Variants in REXO1 observed in about 807,000 individuals in gnomAD.
The protein encoded by REXO1 is RNA exonuclease 1 homolog, also known as REX1, RNA exonuclease 1 homolog.
REXO1 carries 42 observed loss-of-function variants against 102.6 expected under a neutral mutation model. The ratio of observed to expected loss-of-function variants is 0.41; its 90% confidence interval spans 0.32 to 0.53. REXO1 has a LOEUF of 0.53. Ranked by LOEUF, REXO1 falls within the 20% of genes least tolerant of loss-of-function variation. The pLI is 0.27. For synonymous variants in REXO1, 908 were observed against 779.1 expected (o/e 1.17, Z -2.76); for missense variants, 1,819 against 1,732.5 (o/e 1.05, Z -0.89).
Position 1,848,348 on chromosome 19 carries a change from G to T in REXO1, c.11C>A (p.Ser4Tyr), listed in dbSNP as rs1241358660. The T allele has an allele frequency of 2.4e-5, 29 of 1,221,836 alleles. No homozygotes were observed. The highest frequency in any genetic ancestry group is 3.0e-5 in the Non-Finnish European group (29 of 974,522). The allele number at this position is 1,221,836 out of a possible 1,614,324, so 75.7% of individuals were successfully genotyped here. Residue 4 changes from serine to tyrosine, a missense_variant, in exon 1 of 16, where the codon TCC becomes TAC. Transcript: ENST00000170168. ...GTCAATGGCCCGGAAGAAGCCAGTG[G>T]AGCGTAGCATGGTCCGTCCCGCGGC... MLR[S>Y]TGFFRAIDCP...
At chr19:1,824,825 G>A (rs1021562250) in intron 3 of REXO1, among the ~76,000 whole-genome samples, 3 of 151,924 alleles carry the variant, frequency 2.0e-5, no homozygotes, top group Non-Finnish European at 2.9e-5. Context: ...TTGCCTTGTC[G>A]CCCAGGCTGG....
chr19:1,818,963 T>A (rs1269521493), intron 8 of REXO1, 55 bp downstream of exon 8: 2 of 1,570,744 alleles, frequency 1.3e-6, no homozygotes, highest in Admixed American at 3.6e-5. Flanking sequence ...CAGCAGGGGC[T>A]GGGCCGGCAG....
Position 1,828,194 on chromosome 19 carries a change from G to C in REXO1, c.595C>G (p.Leu199Val). 1 of 1,606,106 alleles carries C rather than the reference G, an allele frequency of 6.2e-7. No homozygotes were observed. The highest frequency in any genetic ancestry group is 8.5e-7 in the Non-Finnish European group (1 of 1,177,424). The change falls in exon 2 of 16, where the codon CTG (leucine) becomes GTG (valine). Residue 199 changes from leucine to valine, a missense_variant. Physicochemically the swap from Leu to Val is conservative, Grantham distance 32. Transcript: ENST00000170168. Reference protein sequence around the residue: ...QGRGGGGGGALEYVPKAVSQP... With the variant: ...QGRGGGGGGAVEYVPKAVSQP... ...CTCACAGCCTTGGGGACGTATTCCA[G>C]GGCACCGCCACCCCCTCCACCTCTG...
intron 1 of REXO1, among the ~76,000 whole-genome samples, chr19:1,836,512 G>A (rs753611935): frequency 2.6e-5 from 4 of 151,868 alleles, no homozygotes; most frequent in African/African-American, 7.3e-5. Context: ...GTAGGAGGCC[G>A]AGACGGGTGG....
intron 1 of REXO1, chr19:1,834,926 G>A: frequency 2.4e-6 from 1 of 409,428 alleles, no homozygotes; most frequent in Non-Finnish European, 5.1e-6. Flanking sequence ...GTGGTCACTG[G>A]GCTCCCCCAC....
In REXO1 at chr19:1,818,714, G is replaced by A; in HGVS notation, c.2894C>T (p.Pro965Leu). ...AIIFTAEEKR[P>L]KDSSCRTCCR... ...GCAGGCCAGCGACTCACAGTCCTTG[G>A]GCCTCTTCTCCTCAGCTGTGAAGAT... The change falls in exon 9 of 16, where the codon CCC becomes CTC. Residue 965 changes from proline (P) to leucine (L), a missense_variant. Transcript: ENST00000170168. The A allele has an allele frequency of 6.2e-7, 1 of 1,611,032 alleles. No individual in the cohort carries two copies. Among genetic ancestry groups the A allele is most frequent in the East Asian group, 2.2e-5 (1 of 44,880 alleles).
In REXO1 at chr19:1,815,746, G is replaced by GTGA; in HGVS notation, c.*319_*320insTCA. The GTGA allele has an allele frequency of 3.5e-6, 5 of 1,416,462 alleles. No individual in the cohort carries two copies. The highest frequency in any genetic ancestry group is 4.6e-6 in the Non-Finnish European group (5 of 1,081,364). 87.7% of individuals were successfully genotyped at this position (1,416,462 alleles called of 1,614,324 possible). ...GGAGCAGAGGTGCCGGCCACCACCC[G>GTGA]GGAGGGAGGGCCTGGCAGGAGGGGC... On this transcript the variant is annotated 3_prime_UTR_variant, in exon 16 of 16. Coordinates refer to ENST00000170168, the MANE Select transcript of REXO1 (RefSeq NM_020695.4). This position sits in a 1 kb window ranked among gnomAD's most constrained non-coding sequence, Gnocchi z 4.0.
chr19:1,820,581 A>G (rs974040664), intron 5 of REXO1, among the ~76,000 whole-genome samples, 186 bp from the exon 6 acceptor site: 4 of 152,230 alleles, frequency 2.6e-5, no homozygotes, highest in African/African-American at 7.2e-5. Context: ...AACTGAGGGC[A>G]GCGGAACTAA....
chr19:1,837,123 C>T (rs577487442), intron 1 of REXO1, among the ~76,000 whole-genome samples: 4 of 152,368 alleles, frequency 2.6e-5, no homozygotes, highest in South Asian at 4.1e-4. Context: ...CCTCGCGAAG[C>T]GCAAGGCAGG....
chr19:1,819,680 G>A (rs1426347958), intron 7 of REXO1, among the ~76,000 whole-genome samples: 1 of 152,252 alleles, frequency 6.6e-6, no homozygotes, highest in African/African-American at 2.4e-5. Context: ...TCCATTAGCA[G>A]GCGGCCCCTC....
intron 12 of REXO1, among the ~76,000 whole-genome samples, 200 bp downstream of exon 12, chr19:1,817,019 G>A (rs1046330250): frequency 1.1e-4 from 16 of 152,276 alleles, no homozygotes; most frequent in African/African-American, 3.8e-4. Flanking sequence ...GGCAGAGCCG[G>A]GGCCCAGTGC....
At chr19:1,847,103 C>T (rs1223679705) in intron 1 of REXO1, among the ~76,000 whole-genome samples, 1 of 152,210 alleles carries the variant, frequency 6.6e-6, no homozygotes, top group East Asian at 1.9e-4. Flanking sequence ...TCTGAATCCC[C>T]CGCCTCAAAC....
chr19:1,823,812 G>A (rs2069623594), intron 3 of REXO1, 27 bp from the exon 4 acceptor site: 1 of 1,139,570 alleles, frequency 8.8e-7, no homozygotes, highest in Non-Finnish European at 1.1e-6. Flanking sequence ...GCTAAGGCCT[G>A]GCAGCACAGC....
intron 1 of REXO1, among the ~76,000 whole-genome samples, chr19:1,839,381 A>C (rs1364980584): frequency 6.6e-6 from 1 of 152,216 alleles, no homozygotes; most frequent in Non-Finnish European, 1.5e-5. Flanking sequence ...CAGAGGACTA[A>C]AAGCATCCAG....
Position 1,818,690 on chromosome 19 carries a change from C to T in REXO1, c.2902+16G>A. 2 of 1,610,380 alleles carry T rather than the reference C, an allele frequency of 1.2e-6. No homozygotes were observed. Among genetic ancestry groups the T allele is most frequent in the African/African-American group, 1.3e-5 (1 of 74,994 alleles). On this transcript the variant is annotated intron_variant, in intron 9 of 15. Coordinates refer to ENST00000170168, the MANE Select transcript of REXO1 (RefSeq NM_020695.4). ...CCGCACCTGCCCACCTAGGCCGTCG[C>T]AGGCCAGCGACTCACAGTCCTTGGG... is the stretch of plus-strand genomic sequence containing the variant.
intron 1 of REXO1, among the ~76,000 whole-genome samples, chr19:1,844,857 A>G (rs188835247): frequency 6.6e-6 from 1 of 152,302 alleles, no homozygotes; most frequent in Non-Finnish European, 1.5e-5. Flanking sequence ...CATCCCCTCA[A>G]CGTGGTGCCC....
At chr19:1,838,728 A>G (rs367592118) in intron 1 of REXO1, among the ~76,000 whole-genome samples, 184 of 151,070 alleles carry the variant, frequency 1.2e-3, no homozygotes, top group African/African-American at 4.4e-3. Context: ...GGCAGGGAGG[A>G]GCCAGCGGGA....
chr19:1,835,518 A>T (rs1003900849), intron 1 of REXO1, among the ~76,000 whole-genome samples: 2 of 152,186 alleles, frequency 1.3e-5, no homozygotes, highest in African/African-American at 4.8e-5. Context: ...ACTGCACTCC[A>T]ACCTGGGCGA....
At chr19:1,819,206 C>T (rs1281390418) in intron 7 of REXO1, 75 bp from the exon 8 acceptor site, 1 of 1,134,262 alleles carries the variant, frequency 8.8e-7, no homozygotes, top group African/African-American at 1.6e-5. Context: ...CTCTCCCACC[C>T]ACCCTGCCCT....
Sources: allele counts gnomAD v4.1 joint callset (sites outside exome capture counted in the v4.1 genomes callset), GRCh38; gene constraint gnomAD v4.1.1; non-coding constraint Gnocchi (gnomAD v3.1); transcripts MANE v1.5; gene names NCBI Gene and HGNC (gene_info 2026-07-23, HGNC 2026-07-21).